Variants in CNPY3 observed in about 807,000 individuals in gnomAD.
The protein encoded by CNPY3 is canopy FGF signaling regulator 3.
Under a neutral mutation model 32.0 loss-of-function variants are expected in CNPY3, and 20 were observed. The ratio of observed to expected loss-of-function variants is 0.63; its 90% CI spans 0.44 to 0.91. The LOEUF (loss-of-function observed/expected upper bound fraction) is 0.91, where lower values mean the gene tolerates loss of function less well. Ranked by LOEUF, CNPY3 falls within the 40% of genes least tolerant of loss-of-function variation. The pLI is 0.00. For synonymous variants in CNPY3, 138 were observed against 142.9 expected, an observed-to-expected ratio of 0.97 and a Z score of 0.24; for missense variants, 299 against 340.8, an observed-to-expected ratio of 0.88 and a Z score of 0.97.
intron 3 of CNPY3, among the ~76,000 whole-genome samples, chr6:42,936,391 AG>A (rs758871936): frequency 2.4e-4 from 37 of 152,246 alleles, no homozygotes; most frequent in Non-Finnish European, 4.1e-4. Flanking sequence ...TTTTCATAGC[AG>A]GAAAAAAATG....
intron 5 of CNPY3, 80 bp downstream of exon 5, chr6:42,938,287 A>G (rs551106380): frequency 9.1e-7 from 1 of 1,098,650 alleles, no homozygotes; most frequent in African/African-American, 1.5e-5. Flanking sequence ...AGGAGGAGAA[A>G]CAGAGGGCAC....
At chr6:42,931,367 C>T (rs943138697) in intron 1 of CNPY3, among the ~76,000 whole-genome samples, 21 of 149,202 alleles carry the variant, frequency 1.4e-4, no homozygotes, top group African/African-American at 5.4e-4. Context: ...CATGAGCCAC[C>T]GTGCCTGGCC....
Position 42,938,074 on chromosome 6 carries a change from G to C in CNPY3, c.496-16G>C. 1 of 1,602,954 alleles carries C rather than the reference G, an allele frequency of 6.2e-7. No homozygotes were observed. The highest frequency in any genetic ancestry group is 8.5e-7 in the Non-Finnish European group (1 of 1,169,866). On this transcript the variant is annotated splice_polypyrimidine_tract_variant and intron_variant, in intron 4 of 5. Coordinates refer to ENST00000372836, the MANE Select transcript of CNPY3 (RefSeq NM_006586.5). ...GGTGCTGGGGCTTTGCCAATATGAG[G>C]TATTATGATTAACAGTGTGATGTGC...
At chr6:42,929,409 G>T, upstream of CNPY3, 1 of 766,072 alleles carries the variant, frequency 1.3e-6, no homozygotes, top group Non-Finnish European at 2.0e-6. Flanking sequence ...CCGCTTTGAA[G>T]GCGGGCTGCG....
At chr6:42,928,436 G>A (rs1334520740), upstream of CNPY3, among the ~76,000 whole-genome samples, 5 of 151,828 alleles carry the variant, frequency 3.3e-5, no homozygotes, top group South Asian at 8.3e-4. Flanking sequence ...TAGCCACGGC[G>A]CCTGGCCTTT....
At chr6:42,936,975 G>C (rs1768279046) in intron 3 of CNPY3, among the ~76,000 whole-genome samples, 1 of 152,168 alleles carries the variant, frequency 6.6e-6, no homozygotes. Flanking sequence ...GAAATGGATA[G>C]TATGTTTTCT....
chr6:42,932,264 G>A (rs976018154), intron 1 of CNPY3, among the ~76,000 whole-genome samples: 63 of 152,264 alleles, frequency 4.1e-4, no homozygotes, highest in African/African-American at 1.5e-3. Context: ...AACTCCAACC[G>A]TTAGGTTCAT....
chr6:42,928,257 AATT>A (rs1381283812), upstream of CNPY3, among the ~76,000 whole-genome samples: 1 of 151,270 alleles, frequency 6.6e-6, no homozygotes, highest in East Asian at 1.9e-4. Context: ...AAAGTGCTGG[AATT>A]ATAGGCGTGA....
At chr6:42,929,751 C>T in intron 1 of CNPY3, 30 bp downstream of exon 1, 2 of 1,531,476 alleles carry the variant, frequency 1.3e-6, no homozygotes, top group Non-Finnish European at 1.8e-6. Flanking sequence ...GGGGCGTATC[C>T]TGCCGGAGGG....
At chr6:42,935,488 T>C in intron 2 of CNPY3, 86 bp from the exon 3 acceptor site, 1 of 1,506,288 alleles carries the variant, frequency 6.6e-7, no homozygotes, top group Non-Finnish European at 9.0e-7. Flanking sequence ...GATGTGCAGG[T>C]GTTGGGGCAC....
chr6:42,935,646 G>T lies in CNPY3; in HGVS notation c.348G>T (p.Arg116Ser), dbSNP rs1224781544. ...RLLDYSLHKE[R>S]TGSNRFAKGM... is the part of the protein sequence containing the mutation. ...TGGATTATAGCCTGCACAAGGAGAG[G>T]ACCGGCAGCAATCGATTTGCCAAGG... The change falls in exon 3 of 6, where the codon AGG becomes AGT. Residue 116 changes from arginine (R) to serine (S), a missense_variant. Transcript: ENST00000372836. 1.2e-6 allele frequency: 2 copies of T among 1,611,096 alleles called. No homozygotes were observed. The highest frequency in any genetic ancestry group is 1.7e-6 in the Non-Finnish European group (2 of 1,177,714).
intron 5 of CNPY3, 31 bp from the exon 6 acceptor site, chr6:42,938,537 C>A (rs1215906335): frequency 6.5e-7 from 1 of 1,549,480 alleles, no homozygotes; most frequent in Non-Finnish European, 8.7e-7. Flanking sequence ...TGAGGCACTT[C>A]TGTTGAGGGT....
Position 42,938,132 on chromosome 6 carries a change from T to C in CNPY3, c.538T>C (p.Trp180Arg), listed in dbSNP as rs1359454706. The change falls in exon 5 of 6, where the codon TGG becomes CGG. Residue 180 changes from tryptophan to arginine, a missense_variant. By Grantham distance (101) the Trp-to-Arg change is moderately radical (BLOSUM62 -3). Coordinates refer to ENST00000372836, the MANE Select transcript of CNPY3 (RefSeq NM_006586.5). ...VEEFEEVIEDWYRNHQEEDLT... is the reference protein window; with the variant it reads ...VEEFEEVIEDRYRNHQEEDLT... ...AGAGTTTGAGGAGGTGATCGAGGAC[T>C]GGTACAGGAACCACCAGGAGGAAGA... is the stretch of plus-strand genomic sequence containing the variant. 1 of 1,614,182 alleles carries C rather than the reference T, an allele frequency of 6.2e-7. No individual in the cohort carries two copies. The highest frequency in any genetic ancestry group is 1.1e-5 in the South Asian group (1 of 91,082).
chr6:42,936,796 A>G (rs1337980309), intron 3 of CNPY3, among the ~76,000 whole-genome samples: 1 of 152,144 alleles, frequency 6.6e-6, no homozygotes, highest in East Asian at 1.9e-4. Context: ...TTGGCCTCTC[A>G]AAGTGCTGGG....
chr6:42,933,383 T>C (rs1205384454), intron 1 of CNPY3, among the ~76,000 whole-genome samples: 1 of 152,094 alleles, frequency 6.6e-6, no homozygotes, highest in Non-Finnish European at 1.5e-5. Flanking sequence ...GGCTGACACG[T>C]AGGAGTTGCC....
chr6:42,931,550 G>A (rs1026594157), intron 1 of CNPY3, among the ~76,000 whole-genome samples: 4 of 151,604 alleles, frequency 2.6e-5, no homozygotes, highest in Non-Finnish European at 5.9e-5. Context: ...TAGTAGAGAC[G>A]GGTTTTCACC....
intron 1 of CNPY3, 87 bp from the exon 2 acceptor site, chr6:42,934,388 G>A (rs1768060387): frequency 5.8e-6 from 9 of 1,555,544 alleles, no homozygotes; most frequent in Non-Finnish European, 7.9e-6. Context: ...TCTAGGAAAG[G>A]ATGCCCACCT....
Position 42,938,843 on chromosome 6 carries a change from CAG to C in CNPY3, c.*53_*54del, listed in dbSNP as rs750565283. ...ACCCCTGATTTTGAAGCTGAGGAGT[CAG>C]GGGCATGGCTCTGGCAGGCCGGGAT... On this transcript the variant is annotated 3_prime_UTR_variant, in exon 6 of 6. Coordinates refer to ENST00000372836, the MANE Select transcript of CNPY3 (RefSeq NM_006586.5). 10 of 1,507,794 alleles carry C rather than the reference CAG, an allele frequency of 6.6e-6. No homozygotes were observed. Among genetic ancestry groups the C allele is most frequent in the Non-Finnish European group, 8.9e-6 (10 of 1,123,010 alleles). 93.4% of individuals were successfully genotyped at this position (1,507,794 alleles called of 1,614,324 possible). A position where few individuals can be genotyped will look rare whatever the true frequency, so the allele number is the denominator to read the frequency against.
chr6:42,929,835 T>G, intron 1 of CNPY3, 114 bp downstream of exon 1: 1 of 1,248,260 alleles, frequency 8.0e-7, no homozygotes, highest in Non-Finnish European at 1.1e-6. Flanking sequence ...GGTGTCTTCC[T>G]TCCTTGAACA....
Sources: allele counts gnomAD v4.1 joint callset (sites outside exome capture counted in the v4.1 genomes callset), GRCh38; gene constraint gnomAD v4.1.1; transcripts MANE v1.5; gene names NCBI Gene and HGNC (gene_info 2026-07-23, HGNC 2026-07-21).